The following MARCHF10 variants were observed in gnomAD, a reference collection of about 807,000 sequenced individuals.
The protein encoded by MARCHF10 is probable E3 ubiquitin-protein ligase MARCHF10.
In MARCHF10, 64 loss-of-function variants were observed where a neutral mutation model predicts 76.2. The ratio of observed to expected loss-of-function variants is 0.84; its 90% CI spans 0.69 to 1.03. The LOEUF (loss-of-function observed/expected upper bound fraction) is 1.03, where lower values mean the gene tolerates loss of function less well. MARCHF10 is among the 50% of genes least tolerant of loss of function. The probability of loss-of-function intolerance (pLI) is 0.00; values close to 1 mark genes in which losing one functional copy is unlikely to be tolerated. For missense variants in MARCHF10, 875 were observed against 958.0 expected, an observed-to-expected ratio of 0.91 and a Z score of 1.14; for synonymous variants, 340 against 357.5, an observed-to-expected ratio of 0.95 and a Z score of 0.55.
chr17:62,780,728 G>A (rs76920300), intron 3 of MARCHF10, among the ~76,000 whole-genome samples: 7 of 152,296 alleles, frequency 4.6e-5, no homozygotes, highest in East Asian at 3.9e-4. Context: ...CAGTGAGAAC[G>A]TGTTCTCAGT....
At chr17:62,772,432 G>A (rs2148018341) in intron 3 of MARCHF10, among the ~76,000 whole-genome samples, 1 of 152,226 alleles carries the variant, frequency 6.6e-6, no homozygotes, top group East Asian at 1.9e-4. Context: ...GTCTTTATCA[G>A]CAATGTGAAA....
intron 4 of MARCHF10, 122 bp downstream of exon 4, chr17:62,759,713 C>T (rs180748504): frequency 3.1e-5 from 30 of 956,116 alleles, no homozygotes; most frequent in South Asian, 1.3e-4. Flanking sequence ...TCAAGTGATC[C>T]GCCGGCCTCA....
chr17:62,783,083 G>A (rs965458962), intron 3 of MARCHF10, among the ~76,000 whole-genome samples: 2 of 151,266 alleles, frequency 1.3e-5, no homozygotes, highest in African/African-American at 4.9e-5. Context: ...ATTATCTGGA[G>A]AAAACTGAGA....
At chr17:62,780,063 C>T (rs2092628332) in intron 3 of MARCHF10, among the ~76,000 whole-genome samples, 1 of 151,888 alleles carries the variant, frequency 6.6e-6, no homozygotes. Context: ...CACCGTTGCA[C>T]TCCAGCCTGG....
At chr17:62,728,202 T>G (rs2090853838) in intron 6 of MARCHF10, among the ~76,000 whole-genome samples, 1 of 151,734 alleles carries the variant, frequency 6.6e-6, no homozygotes, top group Admixed American at 6.6e-5. Flanking sequence ...TTTTAATTTT[T>G]TTTTTCTTAG....
intron 8 of MARCHF10, among the ~76,000 whole-genome samples, chr17:62,719,454 GT>G (rs1219238695): frequency 1.3e-5 from 2 of 151,940 alleles, no homozygotes; most frequent in Non-Finnish European, 2.9e-5. Flanking sequence ...TAAATATTTT[GT>G]TTCTCTGTCT....
At chr17:62,723,795 C>T (rs185019838) in intron 7 of MARCHF10, among the ~76,000 whole-genome samples, 2 of 152,138 alleles carry the variant, frequency 1.3e-5, no homozygotes, top group South Asian at 2.1e-4. Flanking sequence ...CCAAAATCTA[C>T]TCGTTTTCTT....
Position 62,796,420 on chromosome 17 carries a change from C to G in MARCHF10, c.90+5226G>C, listed in dbSNP as rs948931138. 5.3e-5 allele frequency among the ~76,000 whole-genome samples: 8 copies of G among 152,338 alleles called. No individual in the cohort carries two copies. The East Asian group carries it at 1.5e-3, about 29-fold the overall frequency. ...AGCAGTTACTGTGGGTTGCCATTTACTTACTTCAATGATATTTAGAACATC... is the reference window on the plus strand; with the variant it reads ...AGCAGTTACTGTGGGTTGCCATTTAGTTACTTCAATGATATTTAGAACATC... On this transcript the variant is annotated intron_variant, in intron 2 of 10. Transcript: ENST00000311269.
At chr17:62,801,966 C>T (rs1044865247) in intron 1 of MARCHF10, among the ~76,000 whole-genome samples, 3 of 152,202 alleles carry the variant, frequency 2.0e-5, no homozygotes, top group African/African-American at 7.2e-5. Flanking sequence ...ATGCAGCCAC[C>T]TTCATCAAGC....
At chr17:62,718,978 A>C (rs945205426) in intron 8 of MARCHF10, among the ~76,000 whole-genome samples, 1 of 152,080 alleles carries the variant, frequency 6.6e-6, no homozygotes, top group African/African-American at 2.4e-5. Context: ...CATTCTTGTC[A>C]ATATTTTGTT....
intron 1 of MARCHF10, among the ~76,000 whole-genome samples, chr17:62,806,277 A>G (rs2093162652): frequency 6.6e-6 from 1 of 152,226 alleles, no homozygotes; most frequent in Non-Finnish European, 1.5e-5. Context: ...TAATTCATGG[A>G]TCTCAGCTTT....
intron 8 of MARCHF10, among the ~76,000 whole-genome samples, chr17:62,715,766 G>T (rs1394497500): frequency 1.3e-5 from 2 of 152,144 alleles, no homozygotes; most frequent in African/African-American, 4.8e-5. Flanking sequence ...TGATCTAGCC[G>T]CTTGAGGCCT....
intron 3 of MARCHF10, among the ~76,000 whole-genome samples, chr17:62,777,569 A>T (rs1049222437): frequency 2.0e-5 from 3 of 151,938 alleles, no homozygotes; most frequent in Non-Finnish European, 4.4e-5. Context: ...AATACAAAAA[A>T]TTAGCCAGGT....
chr17:62,747,665 A>G (rs1343520099), intron 4 of MARCHF10, among the ~76,000 whole-genome samples: 1 of 152,238 alleles, frequency 6.6e-6, no homozygotes, highest in African/African-American at 2.4e-5. Flanking sequence ...ACTGAGAATA[A>G]TAATGGGAAA....
At chr17:62,751,857 C>T (rs1177425711) in intron 4 of MARCHF10, among the ~76,000 whole-genome samples, 6 of 152,002 alleles carry the variant, frequency 3.9e-5, no homozygotes, top group African/African-American at 1.2e-4. Flanking sequence ...CCCATCTCTA[C>T]TAAAAATACA....
chr17:62,719,362 ATCTT>A (rs1418373495), intron 8 of MARCHF10, among the ~76,000 whole-genome samples: 13 of 152,058 alleles, frequency 8.5e-5, no homozygotes, highest in Non-Finnish European at 2.9e-5. Context: ...GCCTAAGAAA[ATCTT>A]TATTTCTCCT....
Position 62,761,920 on chromosome 17 carries a change from C to T in MARCHF10, c.211-1914G>A, listed in dbSNP as rs544777800. On this transcript the variant is annotated intron_variant, in intron 3 of 10. Transcript: ENST00000311269. The stretch of plus-strand genomic sequence containing the variant: ...CATAAACTGCCCAACAAAATCAGCT[C>T]ACTGCAGTGGGTTAAGTCAACTCCC... Among the ~76,000 whole-genome samples the T allele has an allele frequency of 1.4e-4, 21 of 152,284 alleles. No homozygotes were observed. In the South Asian group the frequency reaches 4.4e-3, roughly 32 times the overall value.
chr17:62,776,562 T>G (rs1227986556), intron 3 of MARCHF10, among the ~76,000 whole-genome samples: 1 of 152,230 alleles, frequency 6.6e-6, no homozygotes, highest in African/African-American at 2.4e-5. Context: ...TTGCCCAAGA[T>G]AGCTAGTACT....
At chr17:62,750,663 C>T (rs1425890222) in intron 4 of MARCHF10, 2 of 152,382 alleles carry the variant, frequency 1.3e-5, no homozygotes, top group African/African-American at 4.8e-5. Flanking sequence ...AGGCCTGGCT[C>T]CTGCCCAGGA....
Sources: gnomAD v4.1 joint callset for allele counts (sites outside exome capture counted in the v4.1 genomes callset) on GRCh38, gnomAD v4.1.1 for gene constraint, MANE v1.5 for transcripts, NCBI Gene and HGNC (gene_info 2026-07-23, HGNC 2026-07-21) for gene names.